Variants in LIN54 observed in about 807,000 individuals in gnomAD.
The protein encoded by LIN54 is protein lin-54 homolog.
LIN54 carries 9 observed loss-of-function variants against 78.7 expected under a neutral mutation model. The ratio of observed to expected loss-of-function variants is 0.11; its 90% confidence interval spans 0.07 to 0.20. LIN54 has a LOEUF of 0.20. Ranked by LOEUF, LIN54 falls within the 10% of genes least tolerant of loss-of-function variation. LIN54 has a pLI of 1.00. For synonymous variants in LIN54, 269 were observed against 318.4 expected, an observed-to-expected ratio of 0.84 and a Z score of 1.65; for missense variants, 573 against 889.9, an observed-to-expected ratio of 0.64 and a Z score of 4.53.
Position 82,998,315 on chromosome 4 carries a change from C to T in LIN54, c.-33+12169G>A, listed in dbSNP as rs879899402. On this transcript the variant is annotated intron_variant, in intron 1 of 12. Coordinates refer to ENST00000340417, the MANE Select transcript of LIN54 (RefSeq NM_194282.4). ...ATCCCAGCACTTTGGGAGGCTGAGG[C>T]GGACAGATCACGAGGTCAGGAGTTC... Among the ~76,000 whole-genome samples the T allele has an allele frequency of 5.0e-3, 760 of 151,334 alleles. 5 individuals carry two copies. The highest frequency in any genetic ancestry group is 7.3e-3 in the Non-Finnish European group (494 of 67,634).
At chr4:82,979,610 C>T (rs1434169780) in intron 2 of LIN54, among the ~76,000 whole-genome samples, 1 of 152,018 alleles carries the variant, frequency 6.6e-6, no homozygotes, top group Non-Finnish European at 1.5e-5. Flanking sequence ...ATATTATTTA[C>T]TAAACTATTA....
intron 11 of LIN54, among the ~76,000 whole-genome samples, chr4:82,933,937 A>G (rs181174451): frequency 7.4e-4 from 112 of 152,262 alleles, no homozygotes; most frequent in Non-Finnish European, 7.3e-5. Context: ...ACTTTACATA[A>G]ATTTCCATGT....
chr4:82,942,241 G>T (rs78932856), intron 5 of LIN54, among the ~76,000 whole-genome samples: 7 of 152,276 alleles, frequency 4.6e-5, no homozygotes, highest in South Asian at 2.1e-4. Flanking sequence ...GATTTAAAAG[G>T]CAGCAGCCCA....
At position 82,979,939 on chromosome 4, in the gene LIN54, C is replaced by CAAAAAAAAAAAAAA. The variant is rs70943176; in HGVS notation, c.685-947_685-934dup. On this transcript the variant is annotated intron_variant, in intron 2 of 12. Transcript: ENST00000340417. ...TGACAGAGTGAGTGAGACTCTGTCT[C>CAAAAAAAAAAAAAA]AAAAAAAAAAAAAAAAAAAAAAAAA... 1.5e-3 allele frequency among the ~76,000 whole-genome samples: 75 copies of CAAAAAAAAAAAAAA among 49,852 alleles called. 4 individuals carry two copies. The highest frequency in any genetic ancestry group is 4.2e-3 in the Admixed American group (13 of 3,112). The allele number at this position is 49,852 out of a possible 152,430, so 32.7% of individuals were successfully genotyped here. A position where few individuals can be genotyped will look rare whatever the true frequency, so the allele number is the denominator to read the frequency against.
intron 1 of LIN54, among the ~76,000 whole-genome samples, chr4:83,008,320 G>A (rs1446137634): frequency 1.3e-5 from 2 of 152,136 alleles, no homozygotes; most frequent in Non-Finnish European, 2.9e-5. Flanking sequence ...CATACTATAT[G>A]ACACCTAATA....
intron 2 of LIN54, among the ~76,000 whole-genome samples, chr4:82,979,845 G>A (rs1158200037): frequency 1.4e-5 from 2 of 147,394 alleles, no homozygotes; most frequent in East Asian, 2.0e-4. Context: ...GCTGAGGCAG[G>A]AGAATTGCTT....
At chr4:83,008,098 T>C (rs1729549936) in intron 1 of LIN54, among the ~76,000 whole-genome samples, 1 of 152,116 alleles carries the variant, frequency 6.6e-6, no homozygotes, top group Non-Finnish European at 1.5e-5. Flanking sequence ...TACAATGCAT[T>C]CTACATAAAA....
At chr4:82,992,677 C>G (rs1053644891) in intron 1 of LIN54, among the ~76,000 whole-genome samples, 1 of 152,114 alleles carries the variant, frequency 6.6e-6, no homozygotes, top group Non-Finnish European at 1.5e-5. Flanking sequence ...GCCTCAGCCC[C>G]GCAAGTAGCT....
At chr4:83,012,732 GC>G (rs1216099793), upstream of LIN54, 1 of 150,670 alleles carries the variant, frequency 6.6e-6, no homozygotes, top group African/African-American at 2.4e-5. Flanking sequence ...CGCAGCGGGG[GC>G]CGGTTCCCCC....
At chr4:82,994,311 T>C (rs1352108759) in intron 1 of LIN54, among the ~76,000 whole-genome samples, 2 of 152,166 alleles carry the variant, frequency 1.3e-5, no homozygotes, top group African/African-American at 4.8e-5. Context: ...CATAATACTC[T>C]TTAACATTCT....
At position 83,010,811 on chromosome 4, in the gene LIN54, C is replaced by T; in HGVS notation, c.-360G>A. The T allele has an allele frequency of 8.1e-7, 1 of 1,234,660 alleles. No homozygotes were observed. The highest frequency in any genetic ancestry group is 1.5e-5 in the African/African-American group (1 of 64,528). The allele number at this position is 1,234,660 out of a possible 1,614,324, so 76.5% of individuals were successfully genotyped here. ...CCGGAGCCCGGGCCGCCGCCGCCGC[C>T]GCCACCACCAGTAACCTCCCCCTTC... On this transcript the variant is annotated 5_prime_UTR_variant, in exon 1 of 13. Coordinates refer to ENST00000340417, the MANE Select transcript of LIN54 (RefSeq NM_194282.4).
chr4:83,005,663 C>A (rs1346941175), intron 1 of LIN54, among the ~76,000 whole-genome samples: 6 of 151,320 alleles, frequency 4.0e-5, no homozygotes, highest in African/African-American at 1.5e-4. Flanking sequence ...TAGATGCTGG[C>A]GAGGCCGTGG....
At chr4:83,000,023 G>C (rs1225963249) in intron 1 of LIN54, among the ~76,000 whole-genome samples, 6 of 151,972 alleles carry the variant, frequency 3.9e-5, no homozygotes, top group Admixed American at 3.9e-4. Flanking sequence ...CTCCTGAATA[G>C]CTGGGACCAC....
intron 1 of LIN54, among the ~76,000 whole-genome samples, chr4:82,990,363 G>A (rs1727561711): frequency 6.6e-6 from 1 of 152,202 alleles, no homozygotes; most frequent in Non-Finnish European, 1.5e-5. Context: ...AGCATTATGT[G>A]TGTATCAGTT....
chr4:82,939,757 T>A (rs375682832), intron 6 of LIN54, 21 bp from the exon 7 acceptor site: 3 of 1,613,218 alleles, frequency 1.9e-6, no homozygotes, highest in African/African-American at 2.7e-5. Context: ...GGGACATATA[T>A]CAATGACCAC....
rs1463356833 is a variant in LIN54, at chr4:82,938,575, G to T, written c.1441-71C>A. 7.4e-6 allele frequency: 6 copies of T among 812,632 alleles called. No homozygotes were observed. The East Asian group carries it at 1.5e-4, about 20-fold the overall frequency. The allele number at this position is 812,632 out of a possible 1,614,324, so 50.3% of individuals were successfully genotyped here. A position where few individuals can be genotyped will look rare whatever the true frequency, so the allele number is the denominator to read the frequency against. ...ACAATACTGTCAGGTATGATGATCA[G>T]TAAGAAATACAAATTCATCCATTAA... is the stretch of plus-strand genomic sequence containing the variant. On this transcript the variant is annotated intron_variant, in intron 7 of 12. Coordinates refer to ENST00000340417, the MANE Select transcript of LIN54 (RefSeq NM_194282.4).
chr4:82,949,479 C>A (rs1723678434), intron 4 of LIN54, among the ~76,000 whole-genome samples: 1 of 152,142 alleles, frequency 6.6e-6, no homozygotes, highest in Admixed American at 6.5e-5. Flanking sequence ...TCATTGCAAC[C>A]TCTGTCTCCT....
At chr4:82,995,464 G>A (rs1304359536) in intron 1 of LIN54, among the ~76,000 whole-genome samples, 2 of 138,414 alleles carry the variant, frequency 1.4e-5, no homozygotes, top group African/African-American at 2.7e-5. Flanking sequence ...ATAGATGACT[G>A]TCTTATGATT....
chr4:82,972,753 C>G (rs1321718118), intron 3 of LIN54, among the ~76,000 whole-genome samples: 2 of 151,942 alleles, frequency 1.3e-5, no homozygotes, highest in Admixed American at 6.6e-5. Context: ...GAGGCCGAGG[C>G]AGGTGGATCA....
Sources: gnomAD v4.1 joint callset for allele counts (sites outside exome capture counted in the v4.1 genomes callset) on GRCh38, gnomAD v4.1.1 for gene constraint, MANE v1.5 for transcripts, NCBI Gene and HGNC (gene_info 2026-07-23, HGNC 2026-07-21) for gene names.